PEAK1: variants seen among roughly 807,000 people sequenced by gnomAD.
PEAK1 encodes the protein pseudopodium enriched atypical kinase 1, also known as inactive tyrosine-protein kinase PEAK1.
In PEAK1, 54 loss-of-function variants were observed where a neutral mutation model predicts 124.7. That is an observed-to-expected ratio of 0.43 (90% CI 0.35 to 0.54). PEAK1 has a LOEUF of 0.54. PEAK1 is among the 20% of genes least tolerant of loss of function. The pLI is 0.01. For synonymous variants in PEAK1, 719 were observed against 760.0 expected, an observed-to-expected ratio of 0.95 and a Z score of 0.89; for missense variants, 2,046 against 2,134.5, an observed-to-expected ratio of 0.96 and a Z score of 0.82.
In PEAK1 at chr15:77,332,669, T is replaced by G. The variant is rs375226560; in HGVS notation, c.-603+32494A>C. The stretch of plus-strand genomic sequence containing the variant: ...AATTTTATTAGTTAATGGACAGTGG[T>G]TGTTTCCAAGCACCCTGTCCCATGG... On this transcript the variant is annotated intron_variant, in intron 2 of 9. Transcript: ENST00000682557. 1.2e-4 allele frequency among the ~76,000 whole-genome samples: 19 copies of G among 152,268 alleles called. 1 individual carries two copies. In the East Asian group the frequency reaches 3.5e-3, roughly 28 times the overall value.
chr15:77,187,738 C>A (rs1054289805), intron 6 of PEAK1, among the ~76,000 whole-genome samples: 3 of 152,222 alleles, frequency 2.0e-5, no homozygotes, highest in Non-Finnish European at 4.4e-5. Context: ...AGTCAAGAAT[C>A]CTCACTGCTG....
intron 1 of PEAK1, among the ~76,000 whole-genome samples, chr15:77,365,553 T>G (rs1267878485): frequency 1.3e-5 from 2 of 152,006 alleles, no homozygotes; most frequent in African/African-American, 4.8e-5. Context: ...ACCTGGCCAA[T>G]GTGGCGAAAC....
chr15:77,193,251 C>T (rs1370066584), intron 6 of PEAK1, among the ~76,000 whole-genome samples: 5 of 152,196 alleles, frequency 3.3e-5, no homozygotes, highest in Non-Finnish European at 7.3e-5. Flanking sequence ...CAGGATACAG[C>T]TGAAAACTAG....
chr15:77,300,772 T>TA (rs1291991492), intron 2 of PEAK1, among the ~76,000 whole-genome samples: 14 of 152,214 alleles, frequency 9.2e-5, no homozygotes, highest in African/African-American at 3.4e-4. Context: ...CCTTGTTTTT[T>TA]ATGACTGTAT....
intron 1 of PEAK1, chr15:77,419,349 G>C (rs889746191): frequency 1.6e-5 from 16 of 985,162 alleles, no homozygotes; most frequent in Non-Finnish European, 1.8e-5. Context: ...CCCATCGAAG[G>C]AGGAAAGAAA....
chr15:77,214,570 G>A (rs1293323237), intron 6 of PEAK1, among the ~76,000 whole-genome samples: 1 of 150,632 alleles, frequency 6.6e-6, no homozygotes, highest in Admixed American at 6.6e-5. Context: ...CTTGCAGTGA[G>A]CCAAGATCGC....
At chr15:77,265,766 A>G (rs896537563) in intron 5 of PEAK1, among the ~76,000 whole-genome samples, 65 of 152,118 alleles carry the variant, frequency 4.3e-4, no homozygotes, top group African/African-American at 1.0e-3. Flanking sequence ...GTATATACCC[A>G]AAGGACTATA....
intron 7 of PEAK1, among the ~76,000 whole-genome samples, chr15:77,168,844 T>G (rs772861936): frequency 6.6e-6 from 1 of 152,132 alleles, no homozygotes; most frequent in Admixed American, 6.5e-5. Context: ...GTGCTAGACA[T>G]AGTTGGATTC....
At chr15:77,300,683 T>C (rs1567229764) in intron 2 of PEAK1, among the ~76,000 whole-genome samples, 1 of 152,166 alleles carries the variant, frequency 6.6e-6, no homozygotes, top group African/African-American at 2.4e-5. Context: ...CCTTTTTCTG[T>C]TTCAGGGTCC....
chr15:77,406,043 C>T lies in PEAK1; in HGVS notation c.-666+13963G>A, dbSNP rs955092. Among the ~76,000 whole-genome samples the T allele has an allele frequency of 3.4e-3, 522 of 152,268 alleles. 4 individuals are homozygous for T. Among genetic ancestry groups the T allele is most frequent in the Non-Finnish European group, 4.0e-3 (274 of 68,014 alleles). Reference sequence around the variant, plus strand: ...ATATATAAGACACCATTTAAATTTGCTGTTATGCTGCATAGAAGAAAATAG... The same window carrying T: ...ATATATAAGACACCATTTAAATTTGTTGTTATGCTGCATAGAAGAAAATAG... On this transcript the variant is annotated intron_variant, in intron 1 of 9. Coordinates refer to ENST00000682557, the MANE Select transcript of PEAK1 (RefSeq NM_001385026.1).
intron 4 of PEAK1, 149 bp downstream of exon 4, chr15:77,284,809 G>C (rs2062836543): frequency 6.6e-6 from 1 of 151,618 alleles, no homozygotes. Context: ...CAGTACTTTG[G>C]GAGGCCGAGG....
chr15:77,414,473 C>A (rs1185301947), intron 1 of PEAK1, among the ~76,000 whole-genome samples: 1 of 151,908 alleles, frequency 6.6e-6, no homozygotes. Context: ...CTTGGCCTCC[C>A]AAAGTGCTGG....
intron 8 of PEAK1, among the ~76,000 whole-genome samples, chr15:77,148,069 A>G (rs2054302119): frequency 1.3e-5 from 2 of 152,218 alleles, no homozygotes; most frequent in South Asian, 4.1e-4. Flanking sequence ...AGTTTGCATT[A>G]TTTACATTCA....
chr15:77,240,719 A>C (rs1188767062), intron 6 of PEAK1, among the ~76,000 whole-genome samples: 1 of 152,150 alleles, frequency 6.6e-6, no homozygotes, highest in Non-Finnish European at 1.5e-5. Flanking sequence ...AACTGACAAC[A>C]CCACCTTCAT....
chr15:77,189,277 T>C (rs565476236), intron 6 of PEAK1, among the ~76,000 whole-genome samples: 2 of 152,284 alleles, frequency 1.3e-5, no homozygotes, highest in East Asian at 3.9e-4. Flanking sequence ...TGCCCTACTT[T>C]ACTGATGAAG....
chr15:77,214,947 A>C (rs932660912), intron 6 of PEAK1, among the ~76,000 whole-genome samples: 1 of 152,214 alleles, frequency 6.6e-6, no homozygotes, highest in Non-Finnish European at 1.5e-5. Context: ...GTGGGGACAC[A>C]GAACCAACCA....
At chr15:77,188,378 C>A (rs774671321) in intron 6 of PEAK1, among the ~76,000 whole-genome samples, 24 of 152,140 alleles carry the variant, frequency 1.6e-4, no homozygotes, top group Non-Finnish European at 3.2e-4. Flanking sequence ...AAAGCAGCAC[C>A]GCTCAGTTCC....
chr15:77,130,584 T>C (rs2052772612), intron 9 of PEAK1, among the ~76,000 whole-genome samples: 1 of 152,184 alleles, frequency 6.6e-6, no homozygotes, highest in South Asian at 2.1e-4. Context: ...TATCCATTAA[T>C]TTGCTAAGAT....
intron 6 of PEAK1, among the ~76,000 whole-genome samples, chr15:77,186,456 C>T (rs1443188135): frequency 6.6e-6 from 1 of 152,168 alleles, no homozygotes. Flanking sequence ...TCACCAGGAA[C>T]ACCATTTGCT....
Sources: gnomAD v4.1 joint callset for allele counts (sites outside exome capture counted in the v4.1 genomes callset) on GRCh38, gnomAD v4.1.1 for gene constraint, MANE v1.5 for transcripts, NCBI Gene and HGNC (gene_info 2026-07-23, HGNC 2026-07-21) for gene names.